Variants in COL11A2 observed in about 807,000 individuals in gnomAD.
COL11A2 encodes collagen type XI alpha 2 chain.
A neutral mutation model predicts 273.4 loss-of-function variants in COL11A2; 116 were observed. The ratio of observed to expected loss-of-function variants is 0.42; its 90% CI spans 0.36 to 0.49. COL11A2 has a LOEUF of 0.49. COL11A2 is among the 20% of genes least tolerant of loss of function. COL11A2 has a pLI of 0.00. For missense variants in COL11A2, 1,866 were observed against 2,309.0 expected (o/e 0.81, Z 3.93); for synonymous variants, 782 against 864.2 (o/e 0.90, Z 1.67).
At position 33,170,087 on chromosome 6, in the gene COL11A2, G is replaced by A. The variant is rs1340946439; in HGVS notation, c.3596C>T (p.Pro1199Leu). ...ACCCAGGTTCCCAACACCTCCTGGG[G>A]GACCTTGTGGGCCCTGGAAGAGGAA... ...GPNGADGPQG[P>L]PGGVGNLGPP... is the part of the protein sequence containing the mutation. Residue 1199 changes from proline to leucine, a missense_variant, in exon 49 of 66, where the codon CCC (proline) becomes CTC (leucine). Pro to Leu is a moderately conservative substitution (Grantham distance 98). Transcript: ENST00000341947. The surrounding 1 kb of genome is among the most constrained non-coding windows in gnomAD (Gnocchi z 4.3). The A allele has an allele frequency of 6.2e-7, 1 of 1,613,040 alleles. No individual in the cohort carries two copies. Among genetic ancestry groups the A allele is most frequent in the Non-Finnish European group, 8.5e-7 (1 of 1,180,022 alleles).
chr6:33,185,764 G>T lies in COL11A2; in HGVS notation c.813C>A (p.Leu271=). ...QEPQSQPTES[L]YYDYEPPYYD... ...AATAGGGGGGCTCGTAGTCATAGTA[G>T]AGAGACTCAGTGGGCTGGGATTGGG... is the stretch of plus-strand genomic sequence containing the variant. Residue 271 remains leucine, a synonymous_variant, in exon 6 of 66, where the codon CTC becomes CTA. Transcript: ENST00000341947. The T allele has an allele frequency of 7.4e-7, 1 of 1,351,284 alleles. No individual in the cohort carries two copies. Among genetic ancestry groups the T allele is most frequent in the Non-Finnish European group, 9.9e-7 (1 of 1,009,266 alleles). The allele number at this position is 1,351,284 out of a possible 1,614,324, so 83.7% of individuals were successfully genotyped here.
At position 33,170,744 on chromosome 6, in the gene COL11A2, G is replaced by A; in HGVS notation, c.3474+66C>T. ...TCTGCATCGGCAGGCTGCTGGCAGA[G>A]TCTGGGGCAAAACATCACCCCATCC... On this transcript the variant is annotated intron_variant, in intron 46 of 65. Coordinates refer to ENST00000341947, the MANE Select transcript of COL11A2 (RefSeq NM_080680.3). This position sits in a 1 kb window ranked among gnomAD's most constrained non-coding sequence, Gnocchi z 4.3. 6.3e-7 allele frequency: 1 copy of A among 1,594,614 alleles called. No homozygotes were observed. The highest frequency in any genetic ancestry group is 8.6e-7 in the Non-Finnish European group (1 of 1,163,436).
rs756199354 is a variant in COL11A2 at position 33,172,500 on chromosome 6, C to A, written c.2898+30G>T. ...TCAGCACCCCAATCCCCAGCTCCCC[C>A]ACTTCCCCTCTGCCTGGCCCCTCAC... On this transcript the variant is annotated intron_variant, in intron 39 of 65. Coordinates refer to ENST00000341947, the MANE Select transcript of COL11A2 (RefSeq NM_080680.3). 13 of 1,601,856 alleles carry A rather than the reference C, an allele frequency of 8.1e-6. No homozygotes were observed. In the Admixed American group the frequency reaches 1.8e-4, roughly 23 times the overall value.
Position 33,188,370 on chromosome 6 carries a change from C to T in COL11A2, c.598G>A (p.Val200Ile). The T allele has an allele frequency of 6.2e-7, 1 of 1,613,062 alleles. No homozygotes were observed. Among genetic ancestry groups the T allele is most frequent in the South Asian group, 1.1e-5 (1 of 91,084 alleles). ...CTGATTGCTCTGGTTACCTCAAAGA[C>T]TTCTTCATCCAGAATACGGGCACCA... ...IFGARILDEE[V>I]FEGDVQELAI... The change falls in exon 4 of 66, where the codon GTC (valine) becomes ATC (isoleucine). Residue 200 changes from valine (V) to isoleucine (I), a missense_variant. Transcript: ENST00000341947.
rs2855433 is a variant in COL11A2 at position 33,190,241 on chromosome 6, G to T, written c.83-772C>A. On this transcript the variant is annotated intron_variant, in intron 1 of 65. Transcript: ENST00000341947. This position sits in a 1 kb window ranked among gnomAD's most constrained non-coding sequence, Gnocchi z 4.5. The stretch of plus-strand genomic sequence containing the variant: ...GCAGGGGCTGAAGCTGCCACGAGGA[G>T]CCGGAACAGGTCCAGGGCCCTGAGC... Among the ~76,000 whole-genome samples the T allele has an allele frequency of 0.74, 113,053 of 151,840 alleles. 42,606 individuals are homozygous for T. Among genetic ancestry groups the T allele is most frequent in the East Asian group, 0.96 (4,958 of 5,158 alleles).
chr6:33,179,426 C>T lies in COL11A2; in HGVS notation c.1503+5G>A. 1 of 1,569,918 alleles carries T rather than the reference C, an allele frequency of 6.4e-7. No homozygotes were observed. Among genetic ancestry groups the T allele is most frequent in the Non-Finnish European group, 8.6e-7 (1 of 1,157,666 alleles). Reference sequence around the variant, plus strand: ...ATCCTCCACCCGAGCACCCTGCTCACTCACCAAGGGTCCAGGGCGCCCTGT... The same window carrying T: ...ATCCTCCACCCGAGCACCCTGCTCATTCACCAAGGGTCCAGGGCGCCCTGT... On this transcript the variant is annotated splice_donor_5th_base_variant and intron_variant, in intron 14 of 65. Transcript: ENST00000341947. This position sits in a 1 kb window ranked among gnomAD's most constrained non-coding sequence, Gnocchi z 6.4.
Position 33,184,329 on chromosome 6 carries a change from C to T in COL11A2, c.940-5G>A, listed in dbSNP as rs772311465. ...GACCTGGAGATCTGTCTGCTCCTTCCCAGGGATGGGGAGGGAGAGGGGTAG... is the reference window on the plus strand; with the variant it reads ...GACCTGGAGATCTGTCTGCTCCTTCTCAGGGATGGGGAGGGAGAGGGGTAG... On this transcript the variant is annotated splice_polypyrimidine_tract_variant and splice_region_variant and intron_variant, in intron 7 of 65. Coordinates refer to ENST00000341947, the MANE Select transcript of COL11A2 (RefSeq NM_080680.3). The T allele has an allele frequency of 7.3e-7, 1 of 1,365,464 alleles. No homozygotes were observed. Among genetic ancestry groups the T allele is most frequent in the Non-Finnish European group, 9.8e-7 (1 of 1,020,328 alleles). The allele number at this position is 1,365,464 out of a possible 1,614,324, so 84.6% of individuals were successfully genotyped here.
rs1188520636 is a variant in COL11A2, at chr6:33,179,015, TC to T, written c.1612-43del. The T allele has an allele frequency of 2.5e-6, 4 of 1,613,246 alleles. No homozygotes were observed. The highest frequency in any genetic ancestry group is 3.4e-6 in the Non-Finnish European group (4 of 1,179,602). The stretch of plus-strand genomic sequence containing the variant: ...AGTGTCAGAACAAGCAGGGCCGCAG[TC>T]CCCTACCCTGCAGGCCCTGTCTCCC... On this transcript the variant is annotated intron_variant, in intron 16 of 65. Coordinates refer to ENST00000341947, the MANE Select transcript of COL11A2 (RefSeq NM_080680.3). This position sits in a 1 kb window ranked among gnomAD's most constrained non-coding sequence, Gnocchi z 6.4.
chr6:33,164,814 A>G lies in COL11A2; in HGVS notation c.4863+38T>C, dbSNP rs776908229. ...CCACTAAGCCCTGAGGGGGTGCACT[A>G]TGGGGCAGGGGAGGGGCAGCGAGGG... On this transcript the variant is annotated intron_variant, in intron 64 of 65. Coordinates refer to ENST00000341947, the MANE Select transcript of COL11A2 (RefSeq NM_080680.3). This position sits in a 1 kb window ranked among gnomAD's most constrained non-coding sequence, Gnocchi z 4.7. The G allele has an allele frequency of 3.0e-6, 4 of 1,322,962 alleles. No homozygotes were observed. In the South Asian group the frequency reaches 5.0e-5, roughly 16 times the overall value. 82.0% of individuals were successfully genotyped at this position (1,322,962 alleles called of 1,614,324 possible).
intron 54 of COL11A2, among the ~76,000 whole-genome samples, chr6:33,168,304 C>T (rs146162885): frequency 6.6e-5 from 10 of 152,116 alleles, no homozygotes; most frequent in Admixed American, 1.3e-4. Flanking sequence ...AATGAGATAC[C>T]GCATACCCTT....
chr6:33,186,820 T>C lies in COL11A2; in HGVS notation c.607-2A>G. ...AATGGCCAGCTCCTGGACATCACCC[T>C]GCAAAGACATGAGAGAGATGGAGCG... is the stretch of plus-strand genomic sequence containing the variant. On this transcript the variant is annotated splice_acceptor_variant, in intron 4 of 65. Coordinates refer to ENST00000341947, the MANE Select transcript of COL11A2 (RefSeq NM_080680.3). LOFTEE classifies it high-confidence loss of function. 1 of 1,613,918 alleles carries C rather than the reference T, an allele frequency of 6.2e-7. No individual in the cohort carries two copies. Among genetic ancestry groups the C allele is most frequent in the Non-Finnish European group, 8.5e-7 (1 of 1,180,010 alleles).
In COL11A2 at chr6:33,163,557, C is replaced by CACGCCCTGGCCCAGGGCTCCCT; in HGVS notation, c.*99_*120dup. On this transcript the variant is annotated 3_prime_UTR_variant, in exon 66 of 66. Coordinates refer to ENST00000341947, the MANE Select transcript of COL11A2 (RefSeq NM_080680.3). The surrounding 1 kb of genome is among the most constrained non-coding windows in gnomAD (Gnocchi z 4.1). ...TGGCCTGCCCCGACTGAGGGCTCTC[C>CACGCCCTGGCCCAGGGCTCCCT]ACGCCCTGGCCCAGGGCTCCCTAGA... is the stretch of plus-strand genomic sequence containing the variant. 1.3e-6 allele frequency: 2 copies of CACGCCCTGGCCCAGGGCTCCCT among 1,520,256 alleles called. No homozygotes were observed. The highest frequency in any genetic ancestry group is 9.1e-7 in the Non-Finnish European group (1 of 1,098,768). The allele number at this position is 1,520,256 out of a possible 1,614,324, so 94.2% of individuals were successfully genotyped here. A position where few individuals can be genotyped will look rare whatever the true frequency, so the allele number is the denominator to read the frequency against.
At position 33,173,930 on chromosome 6, in the gene COL11A2, CAG is replaced by C. The variant is rs1770516414; in HGVS notation, c.2530-6_2530-5del. The C allele has an allele frequency of 1.4e-5, 22 of 1,614,002 alleles. No homozygotes were observed. The highest frequency in any genetic ancestry group is 1.8e-5 in the Non-Finnish European group (21 of 1,180,006). On this transcript the variant is annotated splice_region_variant and splice_polypyrimidine_tract_variant and intron_variant, in intron 33 of 65. Coordinates refer to ENST00000341947, the MANE Select transcript of COL11A2 (RefSeq NM_080680.3). The surrounding 1 kb of genome is among the most constrained non-coding windows in gnomAD (Gnocchi z 6.3). ...GTCCCCGCTGACCCCGTGGACCCTACAGAGGGAAGAGGAGTTGTCAGAGAAAC... is the reference window on the plus strand; with the variant it reads ...GTCCCCGCTGACCCCGTGGACCCTACAGGGAAGAGGAGTTGTCAGAGAAAC...
At chr6:33,184,817 G>A (rs1328324693) in intron 7 of COL11A2, among the ~76,000 whole-genome samples, 175 bp downstream of exon 7, 2 of 152,204 alleles carry the variant, frequency 1.3e-5, no homozygotes, top group African/African-American at 2.4e-5. Flanking sequence ...TGGACTTAGA[G>A]AGTCAAGCAG....
In COL11A2 at chr6:33,166,628, C is replaced by G; in HGVS notation, c.4339-62G>C. On this transcript the variant is annotated intron_variant, in intron 59 of 65. Coordinates refer to ENST00000341947, the MANE Select transcript of COL11A2 (RefSeq NM_080680.3). This position sits in a 1 kb window ranked among gnomAD's most constrained non-coding sequence, Gnocchi z 4.8. ...TCCCACACCCTCCTGAGCACCTGCT[C>G]GCTTACCCACAGCTGAGTCCCAACT... 6.2e-7 allele frequency: 1 copy of G among 1,611,554 alleles called. No homozygotes were observed. Among genetic ancestry groups the G allele is most frequent in the Non-Finnish European group, 8.5e-7 (1 of 1,178,246 alleles).
chr6:33,187,047 C>G (rs950525881), intron 4 of COL11A2, among the ~76,000 whole-genome samples: 2 of 152,156 alleles, frequency 1.3e-5, no homozygotes, highest in African/African-American at 4.8e-5. Flanking sequence ...ACCCATTTTT[C>G]AGATACGTTC....
Position 33,178,715 on chromosome 6 carries a change from A to G in COL11A2, c.1683T>C (p.Asp561=). 7 of 1,612,642 alleles carry G rather than the reference A, an allele frequency of 4.3e-6. No homozygotes were observed. Among genetic ancestry groups the G allele is most frequent in the Non-Finnish European group, 5.9e-6 (7 of 1,179,824 alleles). The change falls in exon 18 of 66, where the codon GAT becomes GAC. Residue 561 remains aspartate (D), a synonymous_variant. Coordinates refer to ENST00000341947, the MANE Select transcript of COL11A2 (RefSeq NM_080680.3). This position sits in a 1 kb window ranked among gnomAD's most constrained non-coding sequence, Gnocchi z 4.6. ...TCTCTCCAGGGAGCCCTGGGAGTCC[A>G]TCAAAACCTCGGTCACCCTAGGAGG... ...DPGVKGDRGF[D]GLPGLPGEKG... is the part of the protein sequence containing the mutation.
rs1426112874 is a variant in COL11A2, at chr6:33,173,890, C to T, written c.2566G>A (p.Gly856Arg). ...CCATTCACCTTAGCTCCAGACTTCCCAGTGGCACCTCGGGGTCCCCGCTGA... is the reference window on the plus strand; with the variant it reads ...CCATTCACCTTAGCTCCAGACTTCCTAGTGGCACCTCGGGGTCCCCGCTGA... ...RGQRGPRGAT[G>R]KSGAKGTSGG... The change falls in exon 34 of 66, where the codon GGG becomes AGG. Residue 856 changes from glycine (G) to arginine (R), a missense_variant. Gly to Arg is a moderately radical substitution (Grantham distance 125). Coordinates refer to ENST00000341947, the MANE Select transcript of COL11A2 (RefSeq NM_080680.3). The surrounding 1 kb of genome is among the most constrained non-coding windows in gnomAD (Gnocchi z 6.3). The T allele has an allele frequency of 6.2e-7, 1 of 1,613,940 alleles. No individual in the cohort carries two copies. The highest frequency in any genetic ancestry group is 1.3e-5 in the African/African-American group (1 of 74,846).
intron 45 of COL11A2, 85 bp from the exon 46 acceptor site, chr6:33,171,002 C>T: frequency 6.3e-7 from 1 of 1,580,780 alleles, no homozygotes; most frequent in East Asian, 2.3e-5. Flanking sequence ...CCACACACAG[C>T]TGGGTGCCAG....
Sources: allele counts gnomAD v4.1 joint callset (sites outside exome capture counted in the v4.1 genomes callset), GRCh38; gene constraint gnomAD v4.1.1; non-coding constraint Gnocchi (gnomAD v3.1); transcripts MANE v1.5; gene names NCBI Gene and HGNC (gene_info 2026-07-23, HGNC 2026-07-21).